Variants in RALGAPA1 observed in about 807,000 individuals in gnomAD.
The protein encoded by RALGAPA1 is Ral GTPase activating protein catalytic subunit alpha 1, also known as ral GTPase-activating protein subunit alpha-1.
A neutral mutation model predicts 269.6 loss-of-function variants in RALGAPA1; 52 were observed. That is an observed-to-expected ratio of 0.19 (90% CI 0.15 to 0.24). The LOEUF (loss-of-function observed/expected upper bound fraction) is 0.24. Among genes scored for constraint, RALGAPA1 ranks in the 10% least tolerant of loss-of-function variants. The pLI, the probability that RALGAPA1 is intolerant of heterozygous loss-of-function variation, is 1.00. For synonymous variants in RALGAPA1, 817 were observed against 1,008.3 expected (o/e 0.81, Z 3.60); for missense variants, 1,917 against 3,013.9 (o/e 0.64, Z 8.52).
At chr14:35,693,545 G>A (rs1403634438) in intron 17 of RALGAPA1, among the ~76,000 whole-genome samples, 1 of 151,834 alleles carries the variant, frequency 6.6e-6, no homozygotes, top group Non-Finnish European at 1.5e-5. Context: ...AGGAAGAGAA[G>A]AACGATCACC....
At chr14:35,541,677 A>G in intron 41 of RALGAPA1, 1 of 455,868 alleles carries the variant, frequency 2.2e-6, no homozygotes. Context: ...GTAGTAGCTC[A>G]TGCTTTTCTG....
chr14:35,664,538 A>G lies in RALGAPA1; in HGVS notation c.5328+104T>C. 2 of 912,646 alleles carry G rather than the reference A, an allele frequency of 2.2e-6. 1 individual carries two copies. The highest frequency in any genetic ancestry group is 3.8e-5 in the South Asian group (2 of 51,970). The allele number at this position is 912,646 out of a possible 1,614,324, so 56.5% of individuals were successfully genotyped here. A position where few individuals can be genotyped will look rare whatever the true frequency, so the allele number is the denominator to read the frequency against. On this transcript the variant is annotated intron_variant, in intron 27 of 41. Coordinates refer to ENST00000680220, the MANE Select transcript of RALGAPA1 (RefSeq NM_001346249.2). ...AGGATATGGCTAATGTTCTTTAACAATTGTGTGGATTTCAAAAAGAAAAGA... is the reference window on the plus strand; with the variant it reads ...AGGATATGGCTAATGTTCTTTAACAGTTGTGTGGATTTCAAAAAGAAAAGA...
chr14:35,656,461 G>A (rs968060449), intron 28 of RALGAPA1, among the ~76,000 whole-genome samples: 36 of 152,228 alleles, frequency 2.4e-4, no homozygotes, highest in Admixed American at 9.8e-4. Context: ...GTATTGCAAA[G>A]CTTCATTTCT....
rs2073222795 is a variant in RALGAPA1, at chr14:35,756,904, T to C, written c.552A>G (p.Gln184=). 1.0e-5 allele frequency: 16 copies of C among 1,603,764 alleles called. No homozygotes were observed. The highest frequency in any genetic ancestry group is 1.4e-5 in the Non-Finnish European group (16 of 1,174,472). Residue 184 remains glutamine, a synonymous_variant, in exon 7 of 42, where the codon CAA becomes CAG. Transcript: ENST00000680220. ...GAGGAGTGATTTCTTCTATAGTGACTTGAGCTATCCAAAGACAAAAGAATA... is the reference window on the plus strand; with the variant it reads ...GAGGAGTGATTTCTTCTATAGTGACCTGAGCTATCCAAAGACAAAAGAATA... ...INPPLNLQET[Q]VTIEEITPLV...
rs2056295971 is a variant in RALGAPA1, at chr14:35,561,960, A to G, written c.7496+8657T>C. ...CACAATGGCTGTGAGCTTTTCAAAG[A>G]CCACAAAACCTGGATCACTTAGCTG... On this transcript the variant is annotated intron_variant, in intron 39 of 41. Coordinates refer to ENST00000680220, the MANE Select transcript of RALGAPA1 (RefSeq NM_001346249.2). 2.0e-5 allele frequency among the ~76,000 whole-genome samples: 3 copies of G among 152,340 alleles called. No individual in the cohort carries two copies. In the South Asian group the frequency reaches 6.2e-4, roughly 32 times the overall value.
intron 39 of RALGAPA1, among the ~76,000 whole-genome samples, chr14:35,568,583 G>C (rs2056903935): frequency 6.6e-6 from 1 of 152,138 alleles, no homozygotes; most frequent in Non-Finnish European, 1.5e-5. Context: ...GGTAAGCTGT[G>C]AGTATGGGTT....
chr14:35,725,177 T>C (rs1468306584), intron 13 of RALGAPA1, 24 bp from the exon 14 acceptor site: 21 of 1,506,278 alleles, frequency 1.4e-5, no homozygotes, highest in Non-Finnish European at 1.8e-5. Context: ...GACTGATTAA[T>C]GTTTCCTTCT....
At chr14:35,763,666 C>G (rs2073908098) in intron 4 of RALGAPA1, among the ~76,000 whole-genome samples, 1 of 151,760 alleles carries the variant, frequency 6.6e-6, no homozygotes, top group African/African-American at 2.4e-5. Context: ...TATTTATCGT[C>G]TTTATATTAA....
intron 35 of RALGAPA1, among the ~76,000 whole-genome samples, chr14:35,609,045 T>G (rs2059760471): frequency 6.6e-6 from 1 of 151,782 alleles, no homozygotes; most frequent in Admixed American, 6.6e-5. Flanking sequence ...GCTAACACGG[T>G]GTAACCCCGT....
intron 14 of RALGAPA1, chr14:35,723,743 C>T (rs1484390179): frequency 2.0e-5 from 3 of 151,970 alleles, no homozygotes; most frequent in African/African-American, 7.3e-5. Flanking sequence ...AAAATGTATA[C>T]ATAAACTAAA....
intron 39 of RALGAPA1, among the ~76,000 whole-genome samples, chr14:35,570,304 A>C (rs1057318592): frequency 1.3e-5 from 2 of 151,392 alleles, no homozygotes; most frequent in African/African-American, 4.9e-5. Context: ...AAGAAAATAT[A>C]TCATTCAAAT....
intron 27 of RALGAPA1, among the ~76,000 whole-genome samples, chr14:35,661,844 T>A (rs1031611042): frequency 2.6e-5 from 4 of 152,126 alleles, no homozygotes; most frequent in Admixed American, 2.6e-4. Context: ...ACTGTACTTA[T>A]CCTTAAGAAG....
chr14:35,778,849 A>T (rs1406105217), intron 1 of RALGAPA1, among the ~76,000 whole-genome samples: 1 of 152,202 alleles, frequency 6.6e-6, no homozygotes, highest in Non-Finnish European at 1.5e-5. Context: ...TGTTTTCTAA[A>T]CAATGCACAC....
Position 35,762,766 on chromosome 14 carries a change from T to C in RALGAPA1, c.326-13A>G. 7.1e-7 allele frequency: 1 copy of C among 1,409,774 alleles called. No homozygotes were observed. The highest frequency in any genetic ancestry group is 1.0e-6 in the Non-Finnish European group (1 of 994,460). 87.3% of individuals were successfully genotyped at this position (1,409,774 alleles called of 1,614,324 possible). A position where few individuals can be genotyped will look rare whatever the true frequency, so the allele number is the denominator to read the frequency against. On this transcript the variant is annotated splice_polypyrimidine_tract_variant and intron_variant, in intron 4 of 41. Transcript: ENST00000680220. ...TTTAAAATCAATCCTGAAAAGAAAATATGATTTTAAATATTCACATCTTAT... is the reference window on the plus strand; with the variant it reads ...TTTAAAATCAATCCTGAAAAGAAAACATGATTTTAAATATTCACATCTTAT...
At chr14:35,750,425 G>T (rs2072569998) in intron 9 of RALGAPA1, 57 bp downstream of exon 9, 1 of 1,338,812 alleles carries the variant, frequency 7.5e-7, no homozygotes, top group South Asian at 1.2e-5. Flanking sequence ...GAACTCAATG[G>T]ACTAAATCTC....
chr14:35,587,682 C>A (rs1343434159), intron 37 of RALGAPA1, among the ~76,000 whole-genome samples: 1 of 148,250 alleles, frequency 6.7e-6, no homozygotes, highest in Non-Finnish European at 1.5e-5. Flanking sequence ...GAACCTTGGA[C>A]ACAGGGTGGG....
chr14:35,664,699 C>T lies in RALGAPA1; in HGVS notation c.5271G>A (p.Leu1757=), dbSNP rs777123472. The T allele has an allele frequency of 6.8e-6, 11 of 1,612,492 alleles. No individual in the cohort carries two copies. The highest frequency in any genetic ancestry group is 5.0e-5 in the Admixed American group (3 of 59,906). Residue 1757 remains leucine (L), a synonymous_variant, in exon 27 of 42, where the codon CTG becomes CTA. Transcript: ENST00000680220. ...LVCFPNLYCE[L]PSLHPNIPDV... ...CAGGAATGTTGGGATGAAGAGAAGGCAGTTCACAATATAAGTTGGGAAAGC... is the reference window on the plus strand; with the variant it reads ...CAGGAATGTTGGGATGAAGAGAAGGTAGTTCACAATATAAGTTGGGAAAGC...
chr14:35,784,223 G>A (rs2075649643), intron 1 of RALGAPA1, among the ~76,000 whole-genome samples: 1 of 151,860 alleles, frequency 6.6e-6, no homozygotes. Context: ...TAACCCAAAT[G>A]TCCATCAATT....
At chr14:35,748,378 CTTTT>C (rs35805261) in intron 10 of RALGAPA1, 180 of 253,422 alleles carry the variant, frequency 7.1e-4, no homozygotes, top group East Asian at 1.3e-3. Flanking sequence ...CTCTCTCGCT[CTTTT>C]TTTTTTTTTT....
Sources: gnomAD v4.1 joint callset for allele counts (sites outside exome capture counted in the v4.1 genomes callset) on GRCh38, gnomAD v4.1.1 for gene constraint, MANE v1.5 for transcripts, NCBI Gene and HGNC (gene_info 2026-07-23, HGNC 2026-07-21) for gene names.